Variants in FSIP1 observed in about 807,000 individuals in gnomAD.
FSIP1 encodes the protein fibrous sheath-interacting protein 1.
Under a neutral mutation model 60.9 loss-of-function variants are expected in FSIP1, and 65 were observed. The observed-to-expected ratio is 1.07, with a 90% CI of 0.87 to 1.31. FSIP1 has a LOEUF of 1.31. Ranked by LOEUF, FSIP1 falls within the 40% of genes most tolerant of loss-of-function variation. The pLI is 0.00. For synonymous variants in FSIP1, 209 were observed against 221.2 expected (o/e 0.94, Z 0.49); for missense variants, 675 against 665.5 (o/e 1.01, Z -0.16).
At chr15:39,643,977 T>A (rs1347382479) in intron 10 of FSIP1, among the ~76,000 whole-genome samples, 1 of 152,190 alleles carries the variant, frequency 6.6e-6, no homozygotes, top group Non-Finnish European at 1.5e-5. Flanking sequence ...GTACCCTACA[T>A]AGTTTATAAG....
At chr15:39,636,419 G>A (rs536539099) in intron 10 of FSIP1, among the ~76,000 whole-genome samples, 4 of 152,302 alleles carry the variant, frequency 2.6e-5, no homozygotes, top group East Asian at 3.9e-4. Context: ...TGTCATTGGT[G>A]TCTTGAGGCA....
chr15:39,700,492 A>G (rs1906155), intron 10 of FSIP1, among the ~76,000 whole-genome samples: 3 of 151,824 alleles, frequency 2.0e-5, no homozygotes, highest in African/African-American at 7.3e-5. Flanking sequence ...TGTTTTGTCT[A>G]TGTGACAGAC....
intron 10 of FSIP1, among the ~76,000 whole-genome samples, chr15:39,629,919 C>T (rs996851376): frequency 2.6e-5 from 4 of 151,556 alleles, no homozygotes; most frequent in African/African-American, 9.7e-5. Flanking sequence ...TTCATCAGAT[C>T]TGATTTTCCT....
At chr15:39,781,992 A>ATT (rs1898281355) in intron 1 of FSIP1, among the ~76,000 whole-genome samples, 1 of 152,242 alleles carries the variant, frequency 6.6e-6, no homozygotes, top group Non-Finnish European at 1.5e-5. Flanking sequence ...AAGTTAATAT[A>ATT]TTTGTGCCAA....
At chr15:39,729,729 C>A (rs1209222619) in intron 8 of FSIP1, among the ~76,000 whole-genome samples, 1 of 152,164 alleles carries the variant, frequency 6.6e-6, no homozygotes, top group African/African-American at 2.4e-5. Context: ...GAGATCACAT[C>A]CTTTGCAGCA....
chr15:39,685,987 A>C (rs1255857704), intron 10 of FSIP1, among the ~76,000 whole-genome samples: 1 of 152,250 alleles, frequency 6.6e-6, no homozygotes, highest in African/African-American at 2.4e-5. Flanking sequence ...TTAGCTAAAA[A>C]TATTAGCAAA....
chr15:39,765,460 T>C (rs1336900389), intron 4 of FSIP1, 132 bp downstream of exon 4: 1 of 578,352 alleles, frequency 1.7e-6, no homozygotes, highest in Non-Finnish European at 2.9e-6. Flanking sequence ...TCCAGGCTGG[T>C]CTCAAACTCC....
chr15:39,728,361 G>A (rs1896277874), intron 8 of FSIP1, among the ~76,000 whole-genome samples: 1 of 152,200 alleles, frequency 6.6e-6, no homozygotes, highest in Non-Finnish European at 1.5e-5. Context: ...CAAAGCTGGA[G>A]AAATCATGTT....
At chr15:39,630,896 G>A (rs1013373698) in intron 10 of FSIP1, among the ~76,000 whole-genome samples, 1 of 152,164 alleles carries the variant, frequency 6.6e-6, no homozygotes, top group South Asian at 2.1e-4. Flanking sequence ...AGCCTAGTAA[G>A]GGGAGCCCCT....
At chr15:39,733,600 C>T (rs1196430205) in intron 8 of FSIP1, among the ~76,000 whole-genome samples, 1 of 152,156 alleles carries the variant, frequency 6.6e-6, no homozygotes, top group African/African-American at 2.4e-5. Context: ...ACCTGAATCC[C>T]CCTTCTCACT....
intron 5 of FSIP1, among the ~76,000 whole-genome samples, chr15:39,754,505 T>C (rs1045876415): frequency 2.0e-5 from 3 of 151,798 alleles, no homozygotes; most frequent in African/African-American, 4.8e-5. Context: ...AATAATCTGA[T>C]AGAGAAATGC....
chr15:39,631,099 G>A (rs925339972), intron 10 of FSIP1, among the ~76,000 whole-genome samples: 3 of 152,172 alleles, frequency 2.0e-5, no homozygotes, highest in Non-Finnish European at 4.4e-5. Context: ...CCCATACCTA[G>A]CACAGAGCCT....
rs75656930 is a variant in FSIP1, at chr15:39,616,191, C to T, written c.1699+1544G>A. On this transcript the variant is annotated intron_variant, in intron 11 of 11. Transcript: ENST00000350221. ...TTACATAATTCTTAAGCAACATTACCTACTTTCATTGGTAATGTAAAGAAT... is the reference window on the plus strand; with the variant it reads ...TTACATAATTCTTAAGCAACATTACTTACTTTCATTGGTAATGTAAAGAAT... Among the ~76,000 whole-genome samples the T allele has an allele frequency of 8.6e-3, 1,314 of 152,230 alleles. 11 individuals are homozygous for T. The highest frequency in any genetic ancestry group is 0.017 in the Middle Eastern group (5 of 294).
chr15:39,739,800 A>G lies in FSIP1; in HGVS notation c.656-11T>C. The G allele has an allele frequency of 6.6e-7, 1 of 1,520,736 alleles. No individual in the cohort carries two copies. Among genetic ancestry groups the G allele is most frequent in the Non-Finnish European group, 8.8e-7 (1 of 1,132,666 alleles). 94.2% of individuals were successfully genotyped at this position (1,520,736 alleles called of 1,614,324 possible). ...CATCACAGGTAAAATCTAATATTAA[A>G]AAAGTTCAAAATTTTTTCATAATTA... On this transcript the variant is annotated splice_polypyrimidine_tract_variant and intron_variant, in intron 6 of 11. Transcript: ENST00000350221.
intron 10 of FSIP1, among the ~76,000 whole-genome samples, chr15:39,643,239 T>C (rs1288637636): frequency 6.6e-6 from 1 of 152,230 alleles, no homozygotes; most frequent in Non-Finnish European, 1.5e-5. Context: ...CAACATTGCT[T>C]ATATGTTTAG....
intron 5 of FSIP1, among the ~76,000 whole-genome samples, chr15:39,749,522 A>T (rs939030440): frequency 1.3e-5 from 2 of 152,146 alleles, no homozygotes; most frequent in African/African-American, 4.8e-5. Flanking sequence ...TATGTAAATC[A>T]ATCAGTGTGA....
At chr15:39,726,346 G>A (rs1224478233) in intron 9 of FSIP1, among the ~76,000 whole-genome samples, 8 of 151,944 alleles carry the variant, frequency 5.3e-5, no homozygotes, top group African/African-American at 1.7e-4. Flanking sequence ...GATCATGATC[G>A]AGATTTAGCT....
chr15:39,739,608 C>T (rs1400538131), intron 7 of FSIP1, 57 bp downstream of exon 7: 4 of 1,488,872 alleles, frequency 2.7e-6, no homozygotes, highest in African/African-American at 2.9e-5. Context: ...AAACTATTGC[C>T]ATTTTTTTCA....
chr15:39,622,164 A>G (rs931173608), intron 10 of FSIP1, among the ~76,000 whole-genome samples: 8 of 152,324 alleles, frequency 5.3e-5, no homozygotes, highest in African/African-American at 1.9e-4. Context: ...TCAAGTAACC[A>G]TCTGTTCAAG....
Sources: gnomAD v4.1 joint callset for allele counts (sites outside exome capture counted in the v4.1 genomes callset) on GRCh38, gnomAD v4.1.1 for gene constraint, MANE v1.5 for transcripts, NCBI Gene and HGNC (gene_info 2026-07-23, HGNC 2026-07-21) for gene names.